NFIB: variants seen among roughly 807,000 people sequenced by gnomAD.
NFIB encodes nuclear factor I B.
NFIB carries 11 observed loss-of-function variants against 61.5 expected under a neutral mutation model. The observed-to-expected ratio is 0.18, with a 90% confidence interval of 0.11 to 0.30. NFIB has a LOEUF of 0.30. NFIB is among the 10% of genes least tolerant of loss of function. The probability of loss-of-function intolerance (pLI) is 1.00; values close to 1 mark genes in which losing one functional copy is unlikely to be tolerated. For synonymous variants in NFIB, 260 were observed against 216.5 expected, an observed-to-expected ratio of 1.20 and a Z score of -1.76; for missense variants, 471 against 608.9, an observed-to-expected ratio of 0.77 and a Z score of 2.38.
chr9:14,284,564 T>A (rs564237381), intron 2 of NFIB, among the ~76,000 whole-genome samples: 1 of 152,318 alleles, frequency 6.6e-6, no homozygotes, highest in South Asian at 2.1e-4. Context: ...AAAAATGGAC[T>A]CTGTTTAGAA....
the NFIB span, among the ~76,000 whole-genome samples, chr9:14,505,998 T>G: frequency 6.6e-6 from 1 of 152,150 alleles, no homozygotes; most frequent in African/African-American, 2.4e-5. Context: ...ACAATCGTTA[T>G]AATACAAAGA....
the NFIB span, among the ~76,000 whole-genome samples, chr9:14,431,629 T>G: frequency 6.6e-5 from 9 of 136,932 alleles, no homozygotes; most frequent in East Asian, 1.8e-3. Flanking sequence ...CCATTTTTTG[T>G]TTTGTTTTTT....
chr9:14,251,543 A>G (rs2055620903), intron 2 of NFIB, among the ~76,000 whole-genome samples: 1 of 152,162 alleles, frequency 6.6e-6, no homozygotes, highest in Admixed American at 6.5e-5. Flanking sequence ...TGTCAGTGCT[A>G]TTTTCTCCTG....
At chr9:14,451,972 G>C in the NFIB span, among the ~76,000 whole-genome samples, 1 of 152,082 alleles carries the variant, frequency 6.6e-6, no homozygotes, top group East Asian at 1.9e-4. Flanking sequence ...CTTGGGGCTG[G>C]GGCGAGGATG....
At chr9:14,211,465 T>G (rs1346341565) in intron 2 of NFIB, among the ~76,000 whole-genome samples, 1 of 152,232 alleles carries the variant, frequency 6.6e-6, no homozygotes, top group African/African-American at 2.4e-5. Flanking sequence ...CTACTCACTT[T>G]AAAATGACAC....
At chr9:14,285,343 G>A (rs577891673) in intron 2 of NFIB, among the ~76,000 whole-genome samples, 3 of 152,120 alleles carry the variant, frequency 2.0e-5, no homozygotes, top group East Asian at 1.9e-4. Flanking sequence ...GGCTGGTCCC[G>A]AACTCCTGAC....
chr9:14,288,322 G>GTTCATTTT (rs2058850256), intron 2 of NFIB, among the ~76,000 whole-genome samples: 1 of 151,428 alleles, frequency 6.6e-6, no homozygotes, highest in African/African-American at 2.4e-5. Flanking sequence ...AGATATCAGA[G>GTTCATTTT]TTCAATGTTA....
chr9:14,158,701 A>T (rs186718305), intron 3 of NFIB, among the ~76,000 whole-genome samples: 99 of 152,346 alleles, frequency 6.5e-4, no homozygotes, highest in African/African-American at 2.3e-3. Flanking sequence ...TTTATGGATA[A>T]TTATACTAAC....
chr9:14,439,599 C>T, the NFIB span, among the ~76,000 whole-genome samples: 1 of 152,114 alleles, frequency 6.6e-6, no homozygotes, highest in African/African-American at 2.4e-5. Flanking sequence ...GAGCCTCAGG[C>T]CAGAAAGAGG....
At chr9:14,208,037 G>C (rs2131696537) in intron 2 of NFIB, among the ~76,000 whole-genome samples, 2 of 152,288 alleles carry the variant, frequency 1.3e-5, no homozygotes, top group African/African-American at 4.8e-5. Flanking sequence ...AAGATGACAA[G>C]CTGCACACAA....
intron 10 of NFIB, among the ~76,000 whole-genome samples, chr9:14,106,626 A>C (rs1743765288): frequency 6.6e-6 from 1 of 152,150 alleles, no homozygotes. Flanking sequence ...TGGCTACATA[A>C]AGGGGAAACA....
At chr9:14,197,301 T>C (rs2048576611) in intron 2 of NFIB, among the ~76,000 whole-genome samples, 2 of 152,230 alleles carry the variant, frequency 1.3e-5, no homozygotes, top group Admixed American at 6.5e-5. Context: ...TCAAACAAGC[T>C]ATAATAAAAC....
At chr9:14,471,568 T>C in the NFIB span, among the ~76,000 whole-genome samples, 4 of 152,242 alleles carry the variant, frequency 2.6e-5, no homozygotes, top group African/African-American at 9.6e-5. Context: ...ATAGCCACTA[T>C]TTAGGAAGAA....
chr9:14,483,413 G>A, the NFIB span, among the ~76,000 whole-genome samples: 1 of 152,154 alleles, frequency 6.6e-6, no homozygotes, highest in African/African-American at 2.4e-5. Context: ...TATGCTTGGT[G>A]AGGAGGACAA....
chr9:14,463,247 A>G, the NFIB span, among the ~76,000 whole-genome samples: 1 of 151,876 alleles, frequency 6.6e-6, no homozygotes, highest in Non-Finnish European at 1.5e-5. Context: ...AGCTGCAGCT[A>G]CCCAGCAATA....
chr9:14,331,230 G>A (rs1384332830), intron 1 of NFIB, among the ~76,000 whole-genome samples: 1 of 152,244 alleles, frequency 6.6e-6, no homozygotes, highest in African/African-American at 2.4e-5. Flanking sequence ...TGGAGGTTTG[G>A]AAAGACTGAG....
the NFIB span, among the ~76,000 whole-genome samples, chr9:14,470,226 C>T: frequency 6.6e-6 from 1 of 152,292 alleles, no homozygotes; most frequent in Non-Finnish European, 1.5e-5. Flanking sequence ...ATTGTCATTG[C>T]AGCAGAGCCA....
At chr9:14,510,777 C>G in the NFIB span, among the ~76,000 whole-genome samples, 3 of 152,192 alleles carry the variant, frequency 2.0e-5, no homozygotes, top group Non-Finnish European at 4.4e-5. Flanking sequence ...GAAATGTCCA[C>G]TATAAAATGT....
intron 1 of NFIB, among the ~76,000 whole-genome samples, chr9:14,320,463 C>A (rs1468736487): frequency 6.6e-6 from 1 of 152,164 alleles, no homozygotes; most frequent in African/African-American, 2.4e-5. Flanking sequence ...GACTTTTCAG[C>A]GCTAGAGCTT....
Sources: allele counts gnomAD v4.1 joint callset (sites outside exome capture counted in the v4.1 genomes callset), GRCh38; gene constraint gnomAD v4.1.1; transcripts MANE v1.5; gene names NCBI Gene and HGNC (gene_info 2026-07-23, HGNC 2026-07-21).